Variants in SLC39A10 observed in about 807,000 individuals in gnomAD.
The protein encoded by SLC39A10 is solute carrier family 39 member 10.
In SLC39A10, 13 loss-of-function variants were observed where a neutral mutation model predicts 65.1. The ratio of observed to expected loss-of-function variants is 0.20; its 90% CI spans 0.13 to 0.32. SLC39A10 has a LOEUF of 0.32. Ranked by LOEUF, SLC39A10 falls within the 10% of genes least tolerant of loss-of-function variation. The pLI is 1.00. For missense variants in SLC39A10, 831 were observed against 1,018.4 expected (o/e 0.82, Z 2.50); for synonymous variants, 321 against 342.2 (o/e 0.94, Z 0.68).
chr2:195,712,873 C>T (rs1337599234), intron 5 of SLC39A10, among the ~76,000 whole-genome samples: 1 of 152,128 alleles, frequency 6.6e-6, no homozygotes, highest in African/African-American at 2.4e-5. Context: ...TGTGATAGGT[C>T]CTTTCATACA....
At chr2:195,650,523 C>T (rs1483387858) in intron 2 of SLC39A10, among the ~76,000 whole-genome samples, 2 of 151,920 alleles carry the variant, frequency 1.3e-5, no homozygotes, top group African/African-American at 4.8e-5. Flanking sequence ...GTCTGTCTTC[C>T]AGGAGAGATG....
intron 3 of SLC39A10, among the ~76,000 whole-genome samples, chr2:195,703,739 A>G (rs1212130228): frequency 6.6e-6 from 1 of 152,206 alleles, no homozygotes; most frequent in African/African-American, 2.4e-5. Context: ...CTGCAATCTC[A>G]GCCTCCCAGG....
At chr2:195,701,435 C>CTTTTTTTT (rs66525117) in intron 3 of SLC39A10, among the ~76,000 whole-genome samples, 2 of 5,492 alleles carry the variant, frequency 3.6e-4, no homozygotes, top group Admixed American at 2.9e-3. Flanking sequence ...TTCTGTGATT[C>CTTTTTTTT]TTTTTTTTTT....
chr2:195,653,509 G>A (rs1689083976), upstream of SLC39A10, among the ~76,000 whole-genome samples: 2 of 152,100 alleles, frequency 1.3e-5, no homozygotes, highest in Non-Finnish European at 2.9e-5. Flanking sequence ...TTGGCCAGCT[G>A]GTCTCGAACT....
intron 3 of SLC39A10, among the ~76,000 whole-genome samples, chr2:195,701,071 T>C (rs1309757695): frequency 7.2e-6 from 1 of 138,770 alleles, no homozygotes; most frequent in Admixed American, 7.3e-5. Flanking sequence ...GATGTTGGTC[T>C]GTTGGTGGTA....
At chr2:195,724,081 C>G (rs1692147510) in intron 8 of SLC39A10, among the ~76,000 whole-genome samples, 1 of 152,022 alleles carries the variant, frequency 6.6e-6, no homozygotes, top group African/African-American at 2.4e-5. Context: ...TCATTGTATA[C>G]ATTTATGTAG....
intron 1 of SLC39A10, among the ~76,000 whole-genome samples, chr2:195,659,999 T>C (rs1371069527): frequency 3.9e-5 from 6 of 152,180 alleles, no homozygotes; most frequent in Non-Finnish European, 8.8e-5. Context: ...TTCCATTTTC[T>C]AATTTATAAT....
At chr2:195,734,537 TCTTATTGGTAATAAGTTG>T (rs1222438949) in intron 9 of SLC39A10, among the ~76,000 whole-genome samples, 3 of 152,232 alleles carry the variant, frequency 2.0e-5, no homozygotes, top group African/African-American at 7.2e-5. Context: ...TTTTGGAGTG[TCTTATTGGTAATAAGTTG>T]CTTTATGCTT....
At chr2:195,655,742 G>A (rs116411773), upstream of SLC39A10, among the ~76,000 whole-genome samples, 1 of 152,202 alleles carries the variant, frequency 6.6e-6, no homozygotes, top group Admixed American at 6.5e-5. Context: ...AAGCAGGAGT[G>A]AGGTCCATGC....
intron 8 of SLC39A10, among the ~76,000 whole-genome samples, chr2:195,727,560 T>C (rs1248911375): frequency 1.3e-5 from 2 of 152,132 alleles, no homozygotes; most frequent in Non-Finnish European, 2.9e-5. Context: ...AACCATAGCA[T>C]AAAATATACT....
At chr2:195,733,811 A>G (rs1692500983) in intron 9 of SLC39A10, among the ~76,000 whole-genome samples, 1 of 152,168 alleles carries the variant, frequency 6.6e-6, no homozygotes. Context: ...GATTACAGGC[A>G]TGAGCCACAA....
intron 1 of SLC39A10, among the ~76,000 whole-genome samples, chr2:195,673,973 C>T (rs1559026980): frequency 6.6e-6 from 1 of 152,150 alleles, no homozygotes. Context: ...TCCCTCCTTC[C>T]CTTTCTGAGA....
intron 1 of SLC39A10, among the ~76,000 whole-genome samples, chr2:195,662,956 CTT>C (rs1329037296): frequency 6.6e-6 from 1 of 152,180 alleles, no homozygotes; most frequent in Admixed American, 6.5e-5. Context: ...CTTTTTGTCT[CTT>C]TCCGCTTTCC....
intron 8 of SLC39A10, among the ~76,000 whole-genome samples, chr2:195,718,702 A>G (rs1029572575): frequency 1.3e-5 from 2 of 152,166 alleles, no homozygotes; most frequent in Non-Finnish European, 2.9e-5. Flanking sequence ...TAAAAGAATC[A>G]GGGTAAAGTT....
chr2:195,634,382 C>T (rs1688657343), intron 2 of SLC39A10, among the ~76,000 whole-genome samples: 1 of 152,138 alleles, frequency 6.6e-6, no homozygotes, highest in Non-Finnish European at 1.5e-5. Context: ...TAAGTGTTCT[C>T]ATTATGTTTT....
chr2:195,663,339 T>C (rs1460165131), intron 1 of SLC39A10, among the ~76,000 whole-genome samples: 2 of 152,194 alleles, frequency 1.3e-5, no homozygotes, highest in Non-Finnish European at 2.9e-5. Context: ...CTTACATTAT[T>C]TTGCTTGCAT....
At chr2:195,635,649 T>A (rs1288440067) in intron 2 of SLC39A10, among the ~76,000 whole-genome samples, 1 of 151,848 alleles carries the variant, frequency 6.6e-6, no homozygotes, top group Non-Finnish European at 1.5e-5. Flanking sequence ...AGTCACAGTA[T>A]CCCTTAAGTA....
chr2:195,682,603 A>G (rs950228328), intron 2 of SLC39A10, among the ~76,000 whole-genome samples: 9 of 152,092 alleles, frequency 5.9e-5, no homozygotes, highest in African/African-American at 1.9e-4. Flanking sequence ...ATAATTAATT[A>G]TTATGACTTA....
intron 2 of SLC39A10, among the ~76,000 whole-genome samples, chr2:195,637,644 T>C (rs572710221): frequency 6.6e-6 from 1 of 152,334 alleles, no homozygotes; most frequent in East Asian, 1.9e-4. Context: ...AGAGAAGTTA[T>C]AATGCTCATT....
Sources: gnomAD v4.1 joint callset for allele counts (sites outside exome capture counted in the v4.1 genomes callset) on GRCh38, gnomAD v4.1.1 for gene constraint, MANE v1.5 for transcripts, NCBI Gene and HGNC (gene_info 2026-07-23, HGNC 2026-07-21) for gene names.